Variants in PDCD6 observed in about 807,000 individuals in gnomAD.
PDCD6 encodes the protein programmed cell death protein 6.
PDCD6 carries 12 observed loss-of-function variants against 28.3 expected under a neutral mutation model. That is an observed-to-expected ratio of 0.42 (90% CI 0.27 to 0.69). The LOEUF (loss-of-function observed/expected upper bound fraction) is 0.69. PDCD6 is among the 30% of genes least tolerant of loss of function. The pLI is 0.22. For missense variants in PDCD6, 226 were observed against 269.9 expected, an observed-to-expected ratio of 0.84 and a Z score of 1.14; for synonymous variants, 92 against 108.0, an observed-to-expected ratio of 0.85 and a Z score of 0.92.
Position 290,376 on chromosome 5 carries a change from CG to C in PDCD6, c.164-13799del. ...CTCCCTCCGCAGGTCTCTTGGGGAC[CG>C]GAATGCCTCCCCCCACCCCCCGACG... On this transcript the variant is annotated intron_variant, in intron 2 of 5. Coordinates refer to ENST00000264933, the MANE Select transcript of PDCD6 (RefSeq NM_013232.4). 6 of 909,594 alleles carry C rather than the reference CG, an allele frequency of 6.6e-6. No homozygotes were observed. The South Asian group carries it at 8.8e-5, about 13-fold the overall frequency. The allele number at this position is 909,594 out of a possible 1,614,324, so 56.3% of individuals were successfully genotyped here. A position where few individuals can be genotyped will look rare whatever the true frequency, so the allele number is the denominator to read the frequency against.
At chr5:292,808 A>G (rs1226213893) in intron 2 of PDCD6, among the ~76,000 whole-genome samples, 1 of 152,200 alleles carries the variant, frequency 6.6e-6, no homozygotes, top group Non-Finnish European at 1.5e-5. Flanking sequence ...GGATTTAAAC[A>G]GAGGAACCAT....
At chr5:285,104 A>C (rs1453677012) in intron 2 of PDCD6, among the ~76,000 whole-genome samples, 1 of 145,002 alleles carries the variant, frequency 6.9e-6, no homozygotes, top group Non-Finnish European at 1.5e-5. Flanking sequence ...CCAGGTCTCC[A>C]GCTGCACAGC....
chr5:310,336 T>G (rs569267484), intron 4 of PDCD6: 34 of 153,472 alleles, frequency 2.2e-4, no homozygotes, highest in African/African-American at 7.5e-4. Context: ...GTGTTCATGT[T>G]TGTGTGCTTG....
At chr5:300,698 G>A (rs1232538646) in intron 2 of PDCD6, among the ~76,000 whole-genome samples, 4 of 152,372 alleles carry the variant, frequency 2.6e-5, no homozygotes, top group African/African-American at 9.6e-5. Flanking sequence ...CCTTGTGGTG[G>A]TTCTCTCTTG....
At chr5:294,162 C>T (rs137917307) in intron 2 of PDCD6, among the ~76,000 whole-genome samples, 34,700 of 149,564 alleles carry the variant, frequency 0.23, 6,158 homozygotes, top group African/African-American at 0.51. Flanking sequence ...TTAGACATGA[C>T]ACCAAAAGCA....
chr5:284,840 T>C (rs911723876), intron 2 of PDCD6, among the ~76,000 whole-genome samples: 14 of 150,614 alleles, frequency 9.3e-5, no homozygotes, highest in Admixed American at 1.3e-4. Context: ...GGAGAAGATA[T>C]TCCAGTTTCA....
Position 314,740 on chromosome 5 carries a change from T to C in PDCD6, c.*225T>C. 3.2e-6 allele frequency: 2 copies of C among 634,038 alleles called. No individual in the cohort carries two copies. Among genetic ancestry groups the C allele is most frequent in the Non-Finnish European group, 5.8e-6 (2 of 343,176 alleles). 39.3% of individuals were successfully genotyped at this position (634,038 alleles called of 1,614,324 possible). On this transcript the variant is annotated 3_prime_UTR_variant, in exon 6 of 6. Transcript: ENST00000264933. ...GACATTGGATTTGGTGACTGTCTCA[T>C]TGTGCCATGAGGTAAATGTAATGTT...
In PDCD6 at chr5:306,699, C is replaced by T. The variant is rs762729129; in HGVS notation, c.306C>T (p.Tyr102=). ...ACTGGCAGAACGTCTTCCGCACGTA[C>T]GACCGGGACAACTCCGGGATGATCG... is the stretch of plus-strand genomic sequence containing the variant. ...ITDWQNVFRT[Y]DRDNSGMIDK... The change falls in exon 4 of 6, where the codon TAC becomes TAT. Residue 102 remains tyrosine (Y), a synonymous_variant. Coordinates refer to ENST00000264933, the MANE Select transcript of PDCD6 (RefSeq NM_013232.4). 31 of 1,613,918 alleles carry T rather than the reference C, an allele frequency of 1.9e-5. No homozygotes were observed. Among genetic ancestry groups the T allele is most frequent in the South Asian group, 3.3e-5 (3 of 91,082 alleles).
intron 2 of PDCD6, among the ~76,000 whole-genome samples, chr5:302,491 C>CTG (rs111715060): frequency 0.13 from 6,987 of 53,004 alleles, 503 homozygotes; most frequent in Non-Finnish European, 0.15. Flanking sequence ...AGTGCTGCTG[C>CTG]TGTGTGTGTG....
At chr5:287,422 GCAT>G (rs1275838685) in intron 2 of PDCD6, among the ~76,000 whole-genome samples, 1 of 147,606 alleles carries the variant, frequency 6.8e-6, no homozygotes, top group East Asian at 1.9e-4. Context: ...CGGGATCAAT[GCAT>G]TCCTTTTTCT....
intron 2 of PDCD6, among the ~76,000 whole-genome samples, chr5:285,289 A>G (rs377140880): frequency 4.7e-5 from 7 of 147,928 alleles, no homozygotes; most frequent in East Asian, 2.1e-4. Context: ...CCCGGGGGGG[A>G]ACTGATGCTG....
intron 5 of PDCD6, chr5:312,386 G>A (rs1329426028): frequency 6.6e-6 from 1 of 152,152 alleles, no homozygotes; most frequent in African/African-American, 2.4e-5. Flanking sequence ...GAACAGCATG[G>A]GGTTTTTAGA....
At chr5:280,371 T>C (rs1738488355) in intron 2 of PDCD6, among the ~76,000 whole-genome samples, 1 of 146,540 alleles carries the variant, frequency 6.8e-6, no homozygotes, top group African/African-American at 2.5e-5. Flanking sequence ...CTGTGGGCTG[T>C]GGATGGTGCT....
In PDCD6 at chr5:284,518, G is replaced by A. The variant is rs142936277; in HGVS notation, c.163+11746G>A. ...AGGTCATGCAACTGGAGACCTGTGC[G>A]GGGGAGAAGATGTTCCAGTTTGAGG... On this transcript the variant is annotated intron_variant, in intron 2 of 5. Transcript: ENST00000264933. Among the ~76,000 whole-genome samples, 558 of 152,234 alleles carry A rather than the reference G, an allele frequency of 3.7e-3. 3 individuals are homozygous for A. Among genetic ancestry groups the A allele is most frequent in the Middle Eastern group, 0.014 (4 of 294 alleles).
intron 2 of PDCD6, among the ~76,000 whole-genome samples, chr5:293,139 G>A (rs1317463149): frequency 1.3e-5 from 2 of 152,118 alleles, no homozygotes; most frequent in Admixed American, 6.5e-5. Flanking sequence ...TCACAGTCCC[G>A]ACTTTCCCAT....
chr5:311,834 C>T, intron 5 of PDCD6: 1 of 184,560 alleles, frequency 5.4e-6, no homozygotes, highest in Non-Finnish European at 1.1e-5. Flanking sequence ...GCTGGGATTA[C>T]AGGTGACACC....
At chr5:302,972 A>G (rs1740203597) in intron 2 of PDCD6, among the ~76,000 whole-genome samples, 1 of 152,228 alleles carries the variant, frequency 6.6e-6, no homozygotes, top group South Asian at 2.1e-4. Context: ...GGATCTTCCC[A>G]AGGGGAAGTT....
intron 2 of PDCD6, among the ~76,000 whole-genome samples, chr5:297,635 T>G (rs1388938852): frequency 6.6e-6 from 1 of 152,232 alleles, no homozygotes; most frequent in Admixed American, 6.5e-5. Context: ...TCCTTGCACC[T>G]GTGCCCGTGG....
At position 276,277 on chromosome 5, in the gene PDCD6, G is replaced by A. The variant is rs915737665; in HGVS notation, c.163+3505G>A. On this transcript the variant is annotated intron_variant, in intron 2 of 5. Transcript: ENST00000264933. ...GCGCTGCTCCTGCCATTGGATCATC[G>A]CAGCATTTTTCTTTTCTCTGATATG... 7.2e-5 allele frequency: 81 copies of A among 1,121,646 alleles called. 1 individual carries two copies. The African/African-American group carries it at 8.9e-4, about 12-fold the overall frequency. The allele number at this position is 1,121,646 out of a possible 1,614,324, so 69.5% of individuals were successfully genotyped here. A position where few individuals can be genotyped will look rare whatever the true frequency, so the allele number is the denominator to read the frequency against.
Sources: allele counts gnomAD v4.1 joint callset (sites outside exome capture counted in the v4.1 genomes callset), GRCh38; gene constraint gnomAD v4.1.1; transcripts MANE v1.5; gene names NCBI Gene and HGNC (gene_info 2026-07-23, HGNC 2026-07-21).